The following GRM7 variants were observed in gnomAD, a reference collection of about 807,000 sequenced individuals.
GRM7 encodes metabotropic glutamate receptor 7.
In GRM7, 35 loss-of-function variants were observed where a neutral mutation model predicts 84.5. The observed-to-expected ratio is 0.41, with a 90% CI of 0.32 to 0.55. GRM7 has a LOEUF of 0.55. Among genes scored for constraint, GRM7 ranks in the 20% least tolerant of loss-of-function variants. The probability of loss-of-function intolerance (pLI) is 0.19; values close to 1 mark genes in which losing one functional copy is unlikely to be tolerated. For missense variants in GRM7, 1,003 were observed against 1,194.6 expected, an observed-to-expected ratio of 0.84 and a Z score of 2.36; for synonymous variants, 487 against 455.1, an observed-to-expected ratio of 1.07 and a Z score of -0.89.
intron 2 of GRM7, among the ~76,000 whole-genome samples, chr3:7,181,233 G>A (rs186084153): frequency 1.3e-5 from 2 of 152,026 alleles, no homozygotes; most frequent in African/African-American, 2.4e-5. Context: ...GGGACATATG[G>A]CATCCCATCA....
chr3:7,406,850 T>C (rs1232286282), intron 4 of GRM7, among the ~76,000 whole-genome samples: 1 of 152,236 alleles, frequency 6.6e-6, no homozygotes, highest in Non-Finnish European at 1.5e-5. Context: ...GCACATTTTT[T>C]ATAGCTTTGG....
intron 8 of GRM7, among the ~76,000 whole-genome samples, chr3:7,639,316 G>A (rs572525377): frequency 3.3e-5 from 5 of 152,146 alleles, no homozygotes; most frequent in Admixed American, 1.3e-4. Flanking sequence ...ATGCGCAGCC[G>A]CAAGCACACT....
At chr3:7,142,785 AGCAT>A (rs1693991402) in intron 1 of GRM7, among the ~76,000 whole-genome samples, 1 of 152,172 alleles carries the variant, frequency 6.6e-6, no homozygotes, top group Non-Finnish European at 1.5e-5. Flanking sequence ...TTTTATAAAT[AGCAT>A]ATGTTGTTAA....
In GRM7 at chr3:7,099,246, GAA is replaced by G. The variant is rs1559438753; in HGVS notation, c.520-47205_520-47204del. On this transcript the variant is annotated intron_variant, in intron 1 of 9. Transcript: ENST00000357716. Reference sequence around the variant, plus strand: ...ATACATGTATTATACATGTATATATGAATACATGTATTATACATGTATATATG... The same window carrying G: ...ATACATGTATTATACATGTATATATGTACATGTATTATACATGTATATATG... Among the ~76,000 whole-genome samples, 551 of 95,310 alleles carry G rather than the reference GAA, an allele frequency of 5.8e-3. 13 individuals carry two copies. The highest frequency in any genetic ancestry group is 0.023 in the African/African-American group (266 of 11,472). 62.5% of individuals were successfully genotyped at this position (95,310 alleles called of 152,430 possible).
chr3:6,948,477 A>C lies in GRM7; in HGVS notation c.519+86570A>C, dbSNP rs535763095. Among the ~76,000 whole-genome samples the C allele has an allele frequency of 3.3e-5, 5 of 152,282 alleles. No individual in the cohort carries two copies. In the South Asian group the frequency reaches 1.0e-3, roughly 32 times the overall value. Reference sequence around the variant, plus strand: ...GCTGAGGAGTGCTTTACTTCCACCTATGAGGTCAATTTTGGAATAGGTGTG... The same window carrying C: ...GCTGAGGAGTGCTTTACTTCCACCTCTGAGGTCAATTTTGGAATAGGTGTG... On this transcript the variant is annotated intron_variant, in intron 1 of 9. Transcript: ENST00000357716.
At chr3:6,975,028 C>T (rs1367407001) in intron 1 of GRM7, among the ~76,000 whole-genome samples, 1 of 152,018 alleles carries the variant, frequency 6.6e-6, no homozygotes, top group Admixed American at 6.6e-5. Context: ...AGAGGAAGTA[C>T]TAAACAAGCA....
At chr3:7,505,450 C>T (rs1700011767) in intron 7 of GRM7, among the ~76,000 whole-genome samples, 1 of 152,224 alleles carries the variant, frequency 6.6e-6, no homozygotes, top group East Asian at 1.9e-4. Flanking sequence ...TTTAGCTCAG[C>T]TTTGGCTGAC....
intron 1 of GRM7, among the ~76,000 whole-genome samples, chr3:6,989,471 T>A (rs1221952241): frequency 6.6e-6 from 1 of 152,224 alleles, no homozygotes; most frequent in East Asian, 1.9e-4. Context: ...ACTTATATGT[T>A]TATGGCTATC....
At chr3:7,348,567 T>C (rs1236910648) in intron 4 of GRM7, among the ~76,000 whole-genome samples, 3 of 152,098 alleles carry the variant, frequency 2.0e-5, no homozygotes, top group South Asian at 2.1e-4. Flanking sequence ...ATAGTAGAAG[T>C]GTACATCCAT....
intron 2 of GRM7, among the ~76,000 whole-genome samples, chr3:7,242,714 A>G (rs1697604781): frequency 1.3e-5 from 2 of 152,118 alleles, no homozygotes; most frequent in African/African-American, 2.4e-5. Context: ...AGACGAAGAG[A>G]CGTAGTCCAT....
rs1417277752 is a variant in GRM7 at position 7,121,691 on chromosome 3, G to T, written c.520-24761G>T. On this transcript the variant is annotated intron_variant, in intron 1 of 9. Transcript: ENST00000357716. ...CATCTATAGATGTAAAGCCACTGGG[G>T]GTTACTATACTGCAAATATCAATGA... Among the ~76,000 whole-genome samples the T allele has an allele frequency of 4.6e-5, 7 of 152,246 alleles. No homozygotes were observed. In the South Asian group the frequency reaches 1.2e-3, roughly 27 times the overall value.
At chr3:6,947,941 C>T (rs1044634340) in intron 1 of GRM7, among the ~76,000 whole-genome samples, 5 of 152,066 alleles carry the variant, frequency 3.3e-5, no homozygotes, top group African/African-American at 9.7e-5. Context: ...TGATTCTTCT[C>T]TCTTTTCTTC....
intron 4 of GRM7, among the ~76,000 whole-genome samples, chr3:7,327,972 A>G (rs953126470): frequency 1.3e-5 from 2 of 149,950 alleles, no homozygotes; most frequent in East Asian, 2.0e-4. Context: ...AGATGAGGAA[A>G]ACAACACTTT....
At chr3:7,727,363 A>G (rs1253904403) in intron 9 of GRM7, among the ~76,000 whole-genome samples, 1 of 152,180 alleles carries the variant, frequency 6.6e-6, no homozygotes, top group East Asian at 1.9e-4. Context: ...TGCTTGTACT[A>G]AATCATAGAT....
At chr3:7,217,873 A>G (rs1038069362) in intron 2 of GRM7, among the ~76,000 whole-genome samples, 1 of 116,802 alleles carries the variant, frequency 8.6e-6, no homozygotes, top group Non-Finnish European at 1.8e-5. Context: ...TAAAATCTAC[A>G]TTTTATAATT....
At chr3:7,286,682 G>A (rs1430417997) in intron 2 of GRM7, among the ~76,000 whole-genome samples, 2 of 151,960 alleles carry the variant, frequency 1.3e-5, no homozygotes, top group African/African-American at 4.8e-5. Flanking sequence ...AATCACTTGT[G>A]TCTCTTTCTA....
chr3:7,313,659 C>A (rs538664617), intron 4 of GRM7, among the ~76,000 whole-genome samples: 14 of 152,146 alleles, frequency 9.2e-5, no homozygotes, highest in African/African-American at 3.1e-4. Context: ...AGTGAAAGTT[C>A]AGATAGCTTC....
intron 1 of GRM7, among the ~76,000 whole-genome samples, chr3:7,069,252 A>C (rs561573488): frequency 6.6e-6 from 1 of 152,054 alleles, no homozygotes; most frequent in African/African-American, 2.4e-5. Context: ...AGGCTGAAGG[A>C]GTAAGTGGAA....
At chr3:7,547,194 C>CTTTTTTTTTTTTT (rs55678792) in intron 7 of GRM7, among the ~76,000 whole-genome samples, 1 of 76,430 alleles carries the variant, frequency 1.3e-5, no homozygotes, top group African/African-American at 5.7e-5. Context: ...AGAGTGAATT[C>CTTTTTTTTTTTTT]TTTTTTTTTT....
Sources: gnomAD v4.1 joint callset for allele counts (sites outside exome capture counted in the v4.1 genomes callset) on GRCh38, gnomAD v4.1.1 for gene constraint, MANE v1.5 for transcripts, NCBI Gene and HGNC (gene_info 2026-07-23, HGNC 2026-07-21) for gene names.